The following ABCA13 variants were observed in gnomAD, a reference collection of about 807,000 sequenced individuals.
ABCA13 encodes the protein ATP binding cassette subfamily A member 13, also known as ATP-binding cassette sub-family A member 13.
In ABCA13, 476 loss-of-function variants were observed where a neutral mutation model predicts 478.7. The observed-to-expected ratio is 0.99, with a 90% CI of 0.92 to 1.07. The LOEUF (loss-of-function observed/expected upper bound fraction) is 1.07, where lower values mean the gene tolerates loss of function less well. ABCA13 is among the 50% of genes least tolerant of loss of function. ABCA13 has a pLI of 0.00. For synonymous variants in ABCA13, 2,252 were observed against 2,158.9 expected, an observed-to-expected ratio of 1.04 and a Z score of -1.20; for missense variants, 6,060 against 5,910.6, an observed-to-expected ratio of 1.03 and a Z score of -0.83.
chr7:48,375,062 A>T (rs1034191817), intron 34 of ABCA13, among the ~76,000 whole-genome samples: 6 of 152,188 alleles, frequency 3.9e-5, no homozygotes, highest in African/African-American at 1.4e-4. Context: ...GGGACTGTCT[A>T]GTTGTAGGAA....
chr7:48,422,675 G>A (rs1820925880), intron 41 of ABCA13, among the ~76,000 whole-genome samples: 1 of 152,196 alleles, frequency 6.6e-6, no homozygotes. Context: ...TGGTGTGATA[G>A]TTCTAGGACA....
intron 43 of ABCA13, among the ~76,000 whole-genome samples, chr7:48,462,358 G>T (rs1231591882): frequency 1.3e-5 from 2 of 151,996 alleles, no homozygotes; most frequent in Non-Finnish European, 2.9e-5. Context: ...ATTTGGAGCA[G>T]TCTATCTGAG....
At chr7:48,446,758 A>T (rs982796440) in intron 42 of ABCA13, among the ~76,000 whole-genome samples, 2 of 152,128 alleles carry the variant, frequency 1.3e-5, no homozygotes, top group Non-Finnish European at 2.9e-5. Flanking sequence ...CTTTAACCAA[A>T]TTTCCTCAAA....
chr7:48,257,960 G>A (rs1258258647), intron 15 of ABCA13, among the ~76,000 whole-genome samples: 1 of 152,104 alleles, frequency 6.6e-6, no homozygotes, highest in Non-Finnish European at 1.5e-5. Flanking sequence ...ATCTCACTCT[G>A]TTGCCCAGGC....
intron 59 of ABCA13, among the ~76,000 whole-genome samples, chr7:48,623,868 G>T (rs1793398051): frequency 6.6e-6 from 1 of 152,158 alleles, no homozygotes; most frequent in South Asian, 2.1e-4. Context: ...AGGGATCATG[G>T]TTGTGGAGTG....
At chr7:48,502,493 T>C (rs2130825644) in intron 48 of ABCA13, among the ~76,000 whole-genome samples, 1 of 152,318 alleles carries the variant, frequency 6.6e-6, no homozygotes, top group South Asian at 2.1e-4. Context: ...AACAGCAGTG[T>C]TCTTTTGGCA....
In ABCA13 at chr7:48,275,558, T is replaced by C. The variant is rs772929532; in HGVS notation, c.5892T>C (p.Phe1964=). Residue 1964 remains phenylalanine (F), a synonymous_variant, in exon 17 of 62, where the codon TTT becomes TTC. Coordinates refer to ENST00000435803, the MANE Select transcript of ABCA13 (RefSeq NM_152701.5). ...QIIEKLKNVN[F]TKVTSGENIL... ...TAGAAAAACTTAAAAATGTCAACTT[T>C]ACAAAAGTTACATCAGGTGAAAATA... The C allele has an allele frequency of 3.1e-6, 5 of 1,613,592 alleles. No homozygotes were observed. The highest frequency in any genetic ancestry group is 1.3e-5 in the African/African-American group (1 of 74,918).
intron 20 of ABCA13, among the ~76,000 whole-genome samples, chr7:48,293,204 C>CACA (rs1216544431): frequency 6.8e-5 from 9 of 131,522 alleles, no homozygotes; most frequent in South Asian, 2.7e-4. Flanking sequence ...CCCCCCCCCG[C>CACA]CACACACACA....
At chr7:48,180,999 G>A (rs36160646) in intron 1 of ABCA13, among the ~76,000 whole-genome samples, 59,628 of 152,048 alleles carry the variant, frequency 0.39, 13,306 homozygotes, top group Non-Finnish European at 0.51. Flanking sequence ...CAGATTCTAA[G>A]TAGTAATATG....
chr7:48,471,222 T>C (rs1827453687), intron 44 of ABCA13, among the ~76,000 whole-genome samples: 1 of 152,248 alleles, frequency 6.6e-6, no homozygotes, highest in African/African-American at 2.4e-5. Flanking sequence ...TTTATGAGAC[T>C]GCAAGCCTCA....
At chr7:48,632,024 G>A (rs1291096250) in intron 59 of ABCA13, among the ~76,000 whole-genome samples, 1 of 152,168 alleles carries the variant, frequency 6.6e-6, no homozygotes, top group African/African-American at 2.4e-5. Context: ...TTTGTAAACT[G>A]AGACTTTACT....
At chr7:48,492,351 C>T (rs1359399294) in intron 48 of ABCA13, among the ~76,000 whole-genome samples, 1 of 152,236 alleles carries the variant, frequency 6.6e-6, no homozygotes, top group Non-Finnish European at 1.5e-5. Context: ...CAGACATCAC[C>T]TCTGTTGGAA....
chr7:48,497,826 G>A (rs1918614), intron 48 of ABCA13, among the ~76,000 whole-genome samples: 73,773 of 152,062 alleles, frequency 0.49, 20,376 homozygotes, highest in African/African-American at 0.76. Context: ...AGTACCAGCT[G>A]GCTCACTTTG....
At chr7:48,585,703 C>G (rs1407613874) in intron 56 of ABCA13, among the ~76,000 whole-genome samples, 1 of 152,006 alleles carries the variant, frequency 6.6e-6, no homozygotes. Context: ...AATTATTAAC[C>G]AATCTTTTTA....
At chr7:48,227,964 C>T (rs913089273) in intron 6 of ABCA13, among the ~76,000 whole-genome samples, 1 of 152,172 alleles carries the variant, frequency 6.6e-6, no homozygotes, top group Non-Finnish European at 1.5e-5. Context: ...GGATTTGACC[C>T]CCATGTTACC....
intron 42 of ABCA13, among the ~76,000 whole-genome samples, chr7:48,444,130 A>G (rs35598378): frequency 0.3 from 45,261 of 151,988 alleles, 6,820 homozygotes; most frequent in East Asian, 0.38. Context: ...TCTGTTTTCA[A>G]TGCCTCCCCC....
rs182028241 is a variant in ABCA13, at chr7:48,434,646, T to G, written c.12565+6775T>G. Among the ~76,000 whole-genome samples, 27 of 152,126 alleles carry G rather than the reference T, an allele frequency of 1.8e-4. No individual in the cohort carries two copies. The East Asian group carries it at 4.8e-3, about 27-fold the overall frequency. On this transcript the variant is annotated intron_variant, in intron 42 of 61. Transcript: ENST00000435803. ...TCCAAGAAGTTTATAGTTTTAGCTTTTACATTAAGGTCTTTGATTTATTTT... is the reference window on the plus strand; with the variant it reads ...TCCAAGAAGTTTATAGTTTTAGCTTGTACATTAAGGTCTTTGATTTATTTT...
intron 35 of ABCA13, among the ~76,000 whole-genome samples, chr7:48,377,734 TAAG>T (rs1172791117): frequency 2.0e-5 from 3 of 152,144 alleles, no homozygotes; most frequent in Admixed American, 1.3e-4. Flanking sequence ...AAATAAAACT[TAAG>T]AAATAAGATT....
At chr7:48,198,789 T>G (rs768798336) in intron 3 of ABCA13, among the ~76,000 whole-genome samples, 9 of 152,222 alleles carry the variant, frequency 5.9e-5, no homozygotes, top group African/African-American at 1.9e-4. Flanking sequence ...AAAATAAAAC[T>G]GGGCAGTAAC....
Sources: allele counts gnomAD v4.1 joint callset (sites outside exome capture counted in the v4.1 genomes callset), GRCh38; gene constraint gnomAD v4.1.1; transcripts MANE v1.5; gene names NCBI Gene and HGNC (gene_info 2026-07-23, HGNC 2026-07-21).